Variants in EFHC1 observed in about 807,000 individuals in gnomAD.
EFHC1 encodes EF-hand domain-containing protein 1.
EFHC1 carries 53 observed loss-of-function variants against 69.9 expected under a neutral mutation model. The observed-to-expected ratio is 0.76, with a 90% confidence interval of 0.61 to 0.95. The LOEUF is 0.95. Among genes scored for constraint, EFHC1 ranks in the 40% least tolerant of loss-of-function variants. The pLI, the probability that EFHC1 is intolerant of heterozygous loss-of-function variation, is 0.00. For missense variants in EFHC1, 739 were observed against 798.7 expected (o/e 0.93, Z 0.90); for synonymous variants, 256 against 278.4 (o/e 0.92, Z 0.80).
chr6:52,440,822 G>A (rs979820811), intron 3 of EFHC1, among the ~76,000 whole-genome samples: 1 of 151,830 alleles, frequency 6.6e-6, no homozygotes, highest in Non-Finnish European at 1.5e-5. Context: ...TTTAATAATA[G>A]CCATTCTGAC....
intron 9 of EFHC1, chr6:52,481,561 C>G (rs139758168): frequency 1.3e-5 from 2 of 151,128 alleles, no homozygotes; most frequent in African/African-American, 2.4e-5. Flanking sequence ...CGCTCTGTAC[C>G]CAGGCTGGCA....
At chr6:52,423,657 ATTTTTTTTTTTT>A (rs59383268) in intron 1 of EFHC1, 9 of 263,444 alleles carry the variant, frequency 3.4e-5, no homozygotes, top group Admixed American at 7.7e-5. Flanking sequence ...CACCCAGCTA[ATTTTTTTTTTTT>A]TTTTTTTTTT....
intron 4 of EFHC1, chr6:52,453,875 C>G: frequency 7.2e-7 from 1 of 1,386,032 alleles, no homozygotes; most frequent in Non-Finnish European, 9.5e-7. Flanking sequence ...AACTTATAAT[C>G]CTATTATTTA....
chr6:52,433,995 C>T (rs1370267778), intron 2 of EFHC1, among the ~76,000 whole-genome samples: 1 of 151,974 alleles, frequency 6.6e-6, no homozygotes, highest in African/African-American at 2.4e-5. Flanking sequence ...AGCTCCCATG[C>T]AACCCAAAGG....
At position 52,493,221 on chromosome 6, in the gene EFHC1, C is replaced by G. The variant is rs1437640035; in HGVS notation, c.*880C>G. 7 of 453,378 alleles carry G rather than the reference C, an allele frequency of 1.5e-5. No individual in the cohort carries two copies. Among genetic ancestry groups the G allele is most frequent in the Non-Finnish European group, 3.1e-5 (7 of 226,674 alleles). 28.1% of individuals were successfully genotyped at this position (453,378 alleles called of 1,614,324 possible). A position where few individuals can be genotyped will look rare whatever the true frequency, so the allele number is the denominator to read the frequency against. On this transcript the variant is annotated 3_prime_UTR_variant, in exon 11 of 11. Coordinates refer to ENST00000371068, the MANE Select transcript of EFHC1 (RefSeq NM_018100.4). ...ACCTAAACCATCAGCTCTCCTAAGT[C>G]ATAGGCCTTTGGATTCAGACTGGAA...
intron 9 of EFHC1, 118 bp downstream of exon 9, chr6:52,479,905 T>C (rs1271093591): frequency 6.7e-7 from 1 of 1,484,930 alleles, no homozygotes; most frequent in East Asian, 2.4e-5. Context: ...GTGGGAATTA[T>C]TAGATATAAA....
chr6:52,491,538 G>A (rs1182975706), intron 10 of EFHC1, among the ~76,000 whole-genome samples: 5 of 148,392 alleles, frequency 3.4e-5, no homozygotes, highest in South Asian at 2.2e-4. Context: ...ACAACTAAAA[G>A]TGCTTTTATA....
intron 9 of EFHC1, chr6:52,482,332 G>A (rs1765697710): frequency 6.8e-6 from 1 of 148,144 alleles, no homozygotes; most frequent in Admixed American, 6.7e-5. Flanking sequence ...GACAGAGCAA[G>A]TCTCCGTCTC....
rs1287067541 is a variant in EFHC1 at position 52,479,240 on chromosome 6, T to C, written c.1482T>C (p.Ala494=). 3.7e-6 allele frequency: 6 copies of C among 1,614,066 alleles called. No homozygotes were observed. The highest frequency in any genetic ancestry group is 5.1e-6 in the Non-Finnish European group (6 of 1,179,980). Residue 494 remains alanine (A), a synonymous_variant, in exon 8 of 11, where the codon GCT becomes GCC. Transcript: ENST00000371068. ...YYGPSDFFIG[A]VIEVFGHRFI... is the part of the protein sequence containing the mutation. Reference sequence around the variant, plus strand: ...GCCCCAGTGACTTCTTCATTGGTGCTGTGATTGAAGGTAGGTCTAAACACA... The same window carrying C: ...GCCCCAGTGACTTCTTCATTGGTGCCGTGATTGAAGGTAGGTCTAAACACA...
rs144424076 is a variant in EFHC1 at position 52,442,049 on chromosome 6, G to T, written c.573+3458G>T. Among the ~76,000 whole-genome samples, 334 of 152,280 alleles carry T rather than the reference G, an allele frequency of 2.2e-3. 1 individual carries two copies. Among genetic ancestry groups the T allele is most frequent in the Middle Eastern group, 6.8e-3 (2 of 294 alleles). On this transcript the variant is annotated intron_variant, in intron 3 of 10. Transcript: ENST00000371068. ...TATAGAATCATGTTTTCTCCAAACA[G>T]GGATAGTTTGACTTTCTCTCTTCCT...
intron 7 of EFHC1, among the ~76,000 whole-genome samples, chr6:52,471,918 T>A (rs191387021): frequency 6.8e-4 from 103 of 150,708 alleles, no homozygotes; most frequent in Admixed American, 3.3e-3. Flanking sequence ...AAAAAAAAAA[T>A]TTTTAAAAAC....
intron 2 of EFHC1, among the ~76,000 whole-genome samples, chr6:52,429,196 A>G (rs893460643): frequency 1.6e-4 from 24 of 152,168 alleles, no homozygotes; most frequent in Non-Finnish European, 2.9e-4. Flanking sequence ...CTTTAGGTTA[A>G]TTAAGTCCCA....
Position 52,454,162 on chromosome 6 carries a change from T to C in EFHC1, c.791T>C (p.Ile264Thr), listed in dbSNP as rs1764986238. ...TATGGTGAATGTCGGACCTACATCA[T>C]TCATTACTATCTTATGGATGATACG... ...SMYGECRTYI[I>T]HYYLMDDTVE... is the part of the protein sequence containing the mutation. Residue 264 changes from isoleucine (I) to threonine (T), a missense_variant, in exon 5 of 11, where the codon ATT becomes ACT. Coordinates refer to ENST00000371068, the MANE Select transcript of EFHC1 (RefSeq NM_018100.4). The C allele has an allele frequency of 6.2e-7, 1 of 1,614,014 alleles. No individual in the cohort carries two copies. The highest frequency in any genetic ancestry group is 8.5e-7 in the Non-Finnish European group (1 of 1,180,022).
At chr6:52,438,232 G>C (rs925075274) in intron 2 of EFHC1, 72 bp from the exon 3 acceptor site, 2 of 1,436,960 alleles carry the variant, frequency 1.4e-6, no homozygotes, top group Non-Finnish European at 1.9e-6. Context: ...TTTTCAGGAA[G>C]GTACTTGATA....
intron 3 of EFHC1, among the ~76,000 whole-genome samples, chr6:52,451,463 C>G (rs145724222): frequency 1.9e-3 from 285 of 152,292 alleles, no homozygotes; most frequent in Non-Finnish European, 3.4e-3. Flanking sequence ...ATATAGGCCC[C>G]CAATCTCTTC....
chr6:52,486,927 A>T (rs928724696), intron 9 of EFHC1: 1 of 152,198 alleles, frequency 6.6e-6, no homozygotes, highest in Non-Finnish European at 1.5e-5. Flanking sequence ...ATTTGAGCTT[A>T]TACCATATAC....
chr6:52,465,540 G>A (rs951438365), intron 6 of EFHC1, among the ~76,000 whole-genome samples: 1 of 151,888 alleles, frequency 6.6e-6, no homozygotes. Context: ...GGGCACAGTG[G>A]CTCATATCTG....
chr6:52,423,950 C>T lies in EFHC1; in HGVS notation c.68C>T (p.Thr23Ile), dbSNP rs779993809. The T allele has an allele frequency of 3.4e-5, 55 of 1,613,692 alleles. No homozygotes were observed. Among genetic ancestry groups the T allele is most frequent in the East Asian group, 4.5e-5 (2 of 44,894 alleles). ...PGTSFKDSTK[T>I]AFHRSQTLSY... The stretch of plus-strand genomic sequence containing the variant: ...ACACATTCTTTTCTTCTTCAGAAAA[C>T]AGCCTTCCACAGAAGTCAGACGCTG... The change falls in exon 2 of 11, where the codon ACA becomes ATA. Residue 23 changes from threonine (T) to isoleucine (I), a missense_variant. Physicochemically the swap from Thr to Ile is moderately conservative, Grantham distance 89 (BLOSUM62 -1). Transcript: ENST00000371068.
At position 52,424,062 on chromosome 6, in the gene EFHC1, T is replaced by C; in HGVS notation, c.180T>C (p.Ala60=). ...TCCAGTTCAACCAGCTGTCCCAGGCTGAGCTGGATGAGTTGGCCAGTAAGG... is the reference window on the plus strand; with the variant it reads ...TCCAGTTCAACCAGCTGTCCCAGGCCGAGCTGGATGAGTTGGCCAGTAAGG... The part of the protein sequence containing the change: ...DRLQFNQLSQ[A]ELDELASKAP... The change falls in exon 2 of 11, where the codon GCT becomes GCC. Residue 60 remains alanine (A), a synonymous_variant. Coordinates refer to ENST00000371068, the MANE Select transcript of EFHC1 (RefSeq NM_018100.4). 1 of 1,614,208 alleles carries C rather than the reference T, an allele frequency of 6.2e-7. No individual in the cohort carries two copies. The highest frequency in any genetic ancestry group is 8.5e-7 in the Non-Finnish European group (1 of 1,180,046).
Sources: allele counts gnomAD v4.1 joint callset (sites outside exome capture counted in the v4.1 genomes callset), GRCh38; gene constraint gnomAD v4.1.1; transcripts MANE v1.5; gene names NCBI Gene and HGNC (gene_info 2026-07-23, HGNC 2026-07-21).